The following ZFPM2 variants were observed in gnomAD, a reference collection of about 807,000 sequenced individuals.
The protein encoded by ZFPM2 is zinc finger protein, FOG family member 2, also known as zinc finger protein ZFPM2.
In ZFPM2, 20 loss-of-function variants were observed where a neutral mutation model predicts 98.6. The ratio of observed to expected loss-of-function variants is 0.20; its 90% CI spans 0.14 to 0.29. The LOEUF is 0.29. ZFPM2 is among the 10% of genes least tolerant of loss of function. The pLI is 1.00. For synonymous variants in ZFPM2, 518 were observed against 502.7 expected (o/e 1.03, Z -0.41); for missense variants, 1,310 against 1,388.6 (o/e 0.94, Z 0.90).
intron 5 of ZFPM2, among the ~76,000 whole-genome samples, chr8:105,715,155 T>A (rs1242979921): frequency 1.3e-5 from 2 of 151,992 alleles, no homozygotes; most frequent in Non-Finnish European, 2.9e-5. Flanking sequence ...ATCCCATACT[T>A]TGGGAGTCCA....
At chr8:105,324,304 T>G (rs56128159) in intron 1 of ZFPM2, among the ~76,000 whole-genome samples, 18,285 of 151,842 alleles carry the variant, frequency 0.12, 1,400 homozygotes, top group Non-Finnish European at 0.17. Flanking sequence ...TGCCTATATC[T>G]ATATGTATCC....
At chr8:105,563,817 C>A (rs1230039206) in intron 4 of ZFPM2, among the ~76,000 whole-genome samples, 1 of 151,984 alleles carries the variant, frequency 6.6e-6, no homozygotes, top group African/African-American at 2.4e-5. Context: ...TATCAGATAC[C>A]AATGCAACCT....
At chr8:105,646,333 GT>G (rs1817046080) in intron 5 of ZFPM2, among the ~76,000 whole-genome samples, 1 of 152,136 alleles carries the variant, frequency 6.6e-6, no homozygotes, top group African/African-American at 2.4e-5. Context: ...AAAGGGAGGG[GT>G]AGTGTCGGGT....
chr8:105,465,103 C>G (rs1204435748), intron 3 of ZFPM2, among the ~76,000 whole-genome samples: 2 of 151,112 alleles, frequency 1.3e-5, no homozygotes, highest in African/African-American at 2.4e-5. Context: ...ACTGAGTATA[C>G]CAGAGTGATA....
At chr8:105,588,363 T>G (rs1815770299) in intron 4 of ZFPM2, among the ~76,000 whole-genome samples, 1 of 152,034 alleles carries the variant, frequency 6.6e-6, no homozygotes, top group Non-Finnish European at 1.5e-5. Flanking sequence ...GTAGAGCAAA[T>G]GGAATGCTTG....
chr8:105,363,371 T>C (rs940076958), intron 1 of ZFPM2, among the ~76,000 whole-genome samples: 4 of 152,172 alleles, frequency 2.6e-5, no homozygotes, highest in African/African-American at 7.2e-5. Context: ...GGTGAAAGCA[T>C]TGCCAAATTA....
intron 3 of ZFPM2, among the ~76,000 whole-genome samples, chr8:105,551,275 C>T (rs546615482): frequency 6.6e-6 from 1 of 152,242 alleles, no homozygotes; most frequent in East Asian, 1.9e-4. Flanking sequence ...TTGGGATCTG[C>T]ATCACAGTTT....
At chr8:105,448,435 A>G (rs1406539986) in intron 3 of ZFPM2, among the ~76,000 whole-genome samples, 1 of 151,890 alleles carries the variant, frequency 6.6e-6, no homozygotes, top group African/African-American at 2.4e-5. Context: ...TTATTCAATA[A>G]ATATTTATCT....
At chr8:105,643,882 A>T (rs867671379) in intron 5 of ZFPM2, among the ~76,000 whole-genome samples, 11 of 152,206 alleles carry the variant, frequency 7.2e-5, no homozygotes, top group African/African-American at 2.7e-4. Flanking sequence ...ATTGATAAAT[A>T]ATGCAGAGCC....
At chr8:105,604,223 T>A (rs1025154072) in intron 4 of ZFPM2, among the ~76,000 whole-genome samples, 4 of 152,012 alleles carry the variant, frequency 2.6e-5, no homozygotes, top group Admixed American at 6.6e-5. Context: ...GGAGTTAGCC[T>A]TAATTCCTCT....
chr8:105,585,567 A>G (rs1478350940), intron 4 of ZFPM2, among the ~76,000 whole-genome samples: 2 of 152,240 alleles, frequency 1.3e-5, no homozygotes, highest in Non-Finnish European at 2.9e-5. Flanking sequence ...GACACAATGT[A>G]AGATGTTGCC....
At chr8:105,514,314 T>A (rs1348319522) in intron 3 of ZFPM2, among the ~76,000 whole-genome samples, 1 of 18,378 alleles carries the variant, frequency 5.4e-5, no homozygotes, top group African/African-American at 1.5e-4. Flanking sequence ...TGTCTTTTTT[T>A]TTTTTTTTTT....
rs539173085 is a variant in ZFPM2, at chr8:105,447,606, T to C, written c.301+3225T>C. 2.0e-4 allele frequency among the ~76,000 whole-genome samples: 31 copies of C among 152,240 alleles called. No individual in the cohort carries two copies. In the East Asian group the frequency reaches 5.0e-3, roughly 25 times the overall value. ...ATTGAAACAGATTTCGATTTCAAGG[T>C]CTTCTAATTTTAAGGTTCTCCACCT... On this transcript the variant is annotated intron_variant, in intron 3 of 7. Coordinates refer to ENST00000407775, the MANE Select transcript of ZFPM2 (RefSeq NM_012082.4).
chr8:105,385,053 A>C (rs1436365003), intron 1 of ZFPM2, among the ~76,000 whole-genome samples: 1 of 152,168 alleles, frequency 6.6e-6, no homozygotes, highest in Non-Finnish European at 1.5e-5. Context: ...GATGTTTCAC[A>C]GCTCAGAAGT....
intron 3 of ZFPM2, 27 bp downstream of exon 3, chr8:105,444,408 C>G: frequency 6.5e-7 from 1 of 1,541,178 alleles, no homozygotes; most frequent in Non-Finnish European, 8.9e-7. Flanking sequence ...AAAATTCAAC[C>G]GTCTTTAGTA....
chr8:105,612,094 T>C (rs186452380), intron 4 of ZFPM2, among the ~76,000 whole-genome samples: 110 of 152,286 alleles, frequency 7.2e-4, no homozygotes, highest in African/African-American at 2.5e-3. Flanking sequence ...GACTTGACCA[T>C]TTGTAATATT....
chr8:105,329,859 G>A (rs182840516), intron 1 of ZFPM2, among the ~76,000 whole-genome samples: 4 of 151,834 alleles, frequency 2.6e-5, no homozygotes, highest in Non-Finnish European at 5.9e-5. Context: ...CTTGAATCTT[G>A]TTGGTTGGTG....
intron 5 of ZFPM2, among the ~76,000 whole-genome samples, chr8:105,694,147 G>A (rs937485290): frequency 2.6e-5 from 4 of 150,958 alleles, no homozygotes; most frequent in South Asian, 2.1e-4. Context: ...TCACTACGCC[G>A]GCTAATTTTT....
At chr8:105,501,720 C>A (rs189892817) in intron 3 of ZFPM2, among the ~76,000 whole-genome samples, 4 of 149,098 alleles carry the variant, frequency 2.7e-5, no homozygotes, top group Admixed American at 1.3e-4. Flanking sequence ...CTCCTGACCT[C>A]GTGATCCACC....
Sources: gnomAD v4.1 joint callset for allele counts (sites outside exome capture counted in the v4.1 genomes callset) on GRCh38, gnomAD v4.1.1 for gene constraint, MANE v1.5 for transcripts, NCBI Gene and HGNC (gene_info 2026-07-23, HGNC 2026-07-21) for gene names.